ETV6: variants seen among roughly 807,000 people sequenced by gnomAD.
ETV6 encodes the protein ETS variant transcription factor 6.
ETV6 carries 16 observed loss-of-function variants against 51.1 expected under a neutral mutation model. The ratio of observed to expected loss-of-function variants is 0.31; its 90% confidence interval spans 0.21 to 0.48. ETV6 has a LOEUF of 0.48. ETV6 is among the 20% of genes least tolerant of loss of function. ETV6 has a pLI of 0.99. For synonymous variants in ETV6, 240 were observed against 224.1 expected, an observed-to-expected ratio of 1.07 and a Z score of -0.64; for missense variants, 458 against 594.8, an observed-to-expected ratio of 0.77 and a Z score of 2.39.
intron 1 of ETV6, among the ~76,000 whole-genome samples, chr12:11,721,011 C>T (rs528714939): frequency 5.1e-4 from 78 of 152,204 alleles, no homozygotes; most frequent in Middle Eastern, 3.4e-3. Context: ...ATCAAAGCCA[C>T]GACGAGATAC....
rs750329786 is a variant in ETV6, at chr12:11,885,923, C to A, written c.1153-3C>A. Reference sequence around the variant, plus strand: ...TTTCTCCCTTCCTCCTTTGAACAAACAGAACAGAACAAACATGACCTATGA... The same window carrying A: ...TTTCTCCCTTCCTCCTTTGAACAAAAAGAACAGAACAAACATGACCTATGA... On this transcript the variant is annotated splice_polypyrimidine_tract_variant and splice_region_variant and intron_variant, in intron 6 of 7. Coordinates refer to ENST00000396373, the MANE Select transcript of ETV6 (RefSeq NM_001987.5). 2 of 1,608,016 alleles carry A rather than the reference C, an allele frequency of 1.2e-6. No individual in the cohort carries two copies. The highest frequency in any genetic ancestry group is 1.7e-6 in the Non-Finnish European group (2 of 1,175,542).
At chr12:11,706,229 C>T (rs1865070378) in intron 1 of ETV6, among the ~76,000 whole-genome samples, 1 of 152,200 alleles carries the variant, frequency 6.6e-6, no homozygotes, top group South Asian at 2.1e-4. Flanking sequence ...AAAATATTTG[C>T]TTTTGCTATC....
chr12:11,888,608 G>A (rs1947240693), intron 7 of ETV6, among the ~76,000 whole-genome samples: 1 of 152,042 alleles, frequency 6.6e-6, no homozygotes, highest in South Asian at 2.1e-4. Flanking sequence ...TCGCCATGTT[G>A]GCCACTCTTG....
intron 1 of ETV6, among the ~76,000 whole-genome samples, chr12:11,734,829 A>G (rs1865672139): frequency 6.6e-6 from 1 of 152,200 alleles, no homozygotes; most frequent in Non-Finnish European, 1.5e-5. Context: ...GTAAGCCTGG[A>G]TGCTTCCAAG....
In ETV6 at chr12:11,827,597, G is replaced by A. The variant is rs182740371; in HGVS notation, c.164-11543G>A. Reference sequence around the variant, plus strand: ...CCACCTCCTCCTCCTGGAATTCAGTGATTATCAGGACTGTCTCCATCCTGA... The same window carrying A: ...CCACCTCCTCCTCCTGGAATTCAGTAATTATCAGGACTGTCTCCATCCTGA... On this transcript the variant is annotated intron_variant, in intron 2 of 7. Coordinates refer to ENST00000396373, the MANE Select transcript of ETV6 (RefSeq NM_001987.5). Among the ~76,000 whole-genome samples the A allele has an allele frequency of 1.0e-3, 158 of 152,102 alleles. 1 individual carries two copies. Among genetic ancestry groups the A allele is most frequent in the South Asian group, 4.4e-3 (21 of 4,812 alleles).
chr12:11,669,100 TC>T (rs2120684054), intron 1 of ETV6, among the ~76,000 whole-genome samples: 1 of 152,326 alleles, frequency 6.6e-6, no homozygotes, highest in African/African-American at 2.4e-5. Context: ...TAAACTTGCT[TC>T]CCCTTTCCTG....
intron 1 of ETV6, among the ~76,000 whole-genome samples, chr12:11,738,498 G>A (rs147054302): frequency 3.3e-5 from 5 of 151,172 alleles, no homozygotes; most frequent in South Asian, 2.1e-4. Context: ...TAATGGAGAC[G>A]GTTTTGCCCT....
At chr12:11,657,982 G>T (rs952690293) in intron 1 of ETV6, among the ~76,000 whole-genome samples, 1 of 152,146 alleles carries the variant, frequency 6.6e-6, no homozygotes, top group Non-Finnish European at 1.5e-5. Context: ...CATGAATCCT[G>T]GTTCCTGAAC....
chr12:11,813,207 G>T (rs1419223620), intron 2 of ETV6, among the ~76,000 whole-genome samples: 5 of 152,226 alleles, frequency 3.3e-5, no homozygotes, highest in African/African-American at 4.8e-5. Context: ...GAGAGACTTG[G>T]ATTGGACTGA....
chr12:11,795,606 G>T (rs1241667420), intron 2 of ETV6, among the ~76,000 whole-genome samples: 1 of 152,214 alleles, frequency 6.6e-6, no homozygotes, highest in Non-Finnish European at 1.5e-5. Context: ...GCCCTCCAGG[G>T]CTTCTGTCCA....
chr12:11,685,103 G>A (rs1161995905), intron 1 of ETV6, among the ~76,000 whole-genome samples: 2 of 152,158 alleles, frequency 1.3e-5, no homozygotes, highest in African/African-American at 2.4e-5. Context: ...TTGCCACTGC[G>A]TGAAGAGCTT....
At chr12:11,743,462 G>A (rs1865848122) in intron 1 of ETV6, among the ~76,000 whole-genome samples, 2 of 152,124 alleles carry the variant, frequency 1.3e-5, no homozygotes, top group South Asian at 4.1e-4. Context: ...CTTACAGATG[G>A]GGGTGAGGGT....
At chr12:11,885,503 C>T (rs560140864) in intron 6 of ETV6, among the ~76,000 whole-genome samples, 7 of 152,220 alleles carry the variant, frequency 4.6e-5, no homozygotes, top group East Asian at 1.9e-4. Context: ...ACCAGAAACA[C>T]AAGTTTGAGA....
At chr12:11,761,422 A>G (rs1945084543) in intron 2 of ETV6, among the ~76,000 whole-genome samples, 1 of 152,212 alleles carries the variant, frequency 6.6e-6, no homozygotes, top group South Asian at 2.1e-4. Context: ...TAAATGAAGT[A>G]AAAAGAGGTT....
At chr12:11,733,473 CGT>C (rs988106018) in intron 1 of ETV6, among the ~76,000 whole-genome samples, 1 of 151,750 alleles carries the variant, frequency 6.6e-6, no homozygotes, top group Non-Finnish European at 1.5e-5. Context: ...GCCCCCGCAC[CGT>C]GTTTTCTGAC....
chr12:11,782,285 A>G (rs368981707), intron 2 of ETV6, among the ~76,000 whole-genome samples: 56 of 151,670 alleles, frequency 3.7e-4, no homozygotes, highest in African/African-American at 1.0e-3. Context: ...AGATGTGAAC[A>G]ATCTTCGTGG....
chr12:11,675,033 C>T (rs997525403), intron 1 of ETV6, among the ~76,000 whole-genome samples: 2 of 152,248 alleles, frequency 1.3e-5, no homozygotes, highest in Non-Finnish European at 2.9e-5. Flanking sequence ...CTCCCTGAGA[C>T]AGGCCTTGTC....
intron 2 of ETV6, among the ~76,000 whole-genome samples, chr12:11,809,839 GGA>G (rs1234310098): frequency 3.6e-5 from 1 of 27,766 alleles, no homozygotes; most frequent in Non-Finnish European, 7.5e-5. Flanking sequence ...TTTTTTTTTT[GGA>G]GAGAGTCTTG....
chr12:11,706,538 C>T (rs1157710150), intron 1 of ETV6, among the ~76,000 whole-genome samples: 1 of 152,242 alleles, frequency 6.6e-6, no homozygotes. Context: ...GTGCTCCGAG[C>T]TTCCATGAGG....
Sources: allele counts gnomAD v4.1 joint callset (sites outside exome capture counted in the v4.1 genomes callset), GRCh38; gene constraint gnomAD v4.1.1; transcripts MANE v1.5; gene names NCBI Gene and HGNC (gene_info 2026-07-23, HGNC 2026-07-21).